Variants in SLC25A13 observed in about 807,000 individuals in gnomAD.
SLC25A13 encodes the protein electrogenic aspartate/glutamate antiporter SLC25A13, mitochondrial.
In SLC25A13, 70 loss-of-function variants were observed where a neutral mutation model predicts 85.5. That is an observed-to-expected ratio of 0.82 (90% CI 0.68 to 1.00). The LOEUF (loss-of-function observed/expected upper bound fraction) is 1.00. Ranked by LOEUF, SLC25A13 falls within the 50% of genes least tolerant of loss-of-function variation. SLC25A13 has a pLI of 0.00. For synonymous variants in SLC25A13, 259 were observed against 288.7 expected (o/e 0.90, Z 1.04); for missense variants, 765 against 819.8 (o/e 0.93, Z 0.82).
At chr7:96,244,119 C>CT (rs934822190) in intron 3 of SLC25A13, among the ~76,000 whole-genome samples, 9 of 152,066 alleles carry the variant, frequency 5.9e-5, no homozygotes, top group African/African-American at 2.2e-4. Context: ...GCTGTTAAGG[C>CT]TTAATTACGT....
chr7:96,186,456 T>C (rs966261591), intron 9 of SLC25A13, among the ~76,000 whole-genome samples: 1 of 152,038 alleles, frequency 6.6e-6, no homozygotes, highest in African/African-American at 2.4e-5. Flanking sequence ...GGATAGAAGA[T>C]AATCATGCAT....
At chr7:96,286,969 C>A (rs2116968397) in intron 2 of SLC25A13, among the ~76,000 whole-genome samples, 1 of 152,296 alleles carries the variant, frequency 6.6e-6, no homozygotes, top group East Asian at 1.9e-4. Context: ...TCTCTTTACA[C>A]AGGTTAGCAG....
Position 96,247,560 on chromosome 7 carries a change from T to A in SLC25A13, c.213-12643A>T, listed in dbSNP as rs538604270. The stretch of plus-strand genomic sequence containing the variant: ...CAATTGTATCTCAGATGAAAGATTA[T>A]TGTACCCTCTTTAATAAGGACTAGG... On this transcript the variant is annotated intron_variant, in intron 3 of 17. Coordinates refer to ENST00000265631, the MANE Select transcript of SLC25A13 (RefSeq NM_014251.3). 4.6e-5 allele frequency among the ~76,000 whole-genome samples: 7 copies of A among 152,250 alleles called. No homozygotes were observed. The South Asian group carries it at 1.4e-3, about 31-fold the overall frequency.
intron 1 of SLC25A13, among the ~76,000 whole-genome samples, chr7:96,318,156 T>C (rs1384305416): frequency 6.6e-6 from 1 of 152,202 alleles, no homozygotes; most frequent in African/African-American, 2.4e-5. Flanking sequence ...TTTCCTTCTT[T>C]TGGTTCTAGG....
intron 3 of SLC25A13, 93 bp from the exon 4 acceptor site, chr7:96,235,010 A>C (rs1796693526): frequency 1.2e-6 from 1 of 819,876 alleles, no homozygotes; most frequent in African/African-American, 1.7e-5. Context: ...ATAAGATATC[A>C]CTGCCAAAAC....
chr7:96,265,702 T>C (rs1055443802), intron 3 of SLC25A13, among the ~76,000 whole-genome samples: 10 of 152,194 alleles, frequency 6.6e-5, no homozygotes, highest in African/African-American at 2.4e-4. Context: ...AAGAAAATAA[T>C]GATTGCTTAC....
chr7:96,197,789 G>A (rs899814712), intron 5 of SLC25A13, among the ~76,000 whole-genome samples: 4 of 152,150 alleles, frequency 2.6e-5, no homozygotes, highest in African/African-American at 9.7e-5. Flanking sequence ...CGAGTCATCT[G>A]TGCAGAGGAG....
intron 2 of SLC25A13, among the ~76,000 whole-genome samples, chr7:96,286,643 T>G (rs1051322406): frequency 6.6e-6 from 1 of 151,958 alleles, no homozygotes; most frequent in Non-Finnish European, 1.5e-5. Flanking sequence ...GCTTCTGGGG[T>G]TTTTTACACT....
chr7:96,177,311 G>A (rs555256743), intron 11 of SLC25A13, among the ~76,000 whole-genome samples: 4 of 152,122 alleles, frequency 2.6e-5, no homozygotes, highest in African/African-American at 4.8e-5. Flanking sequence ...TAAAGTAGTG[G>A]CACAGACAAA....
chr7:96,251,626 C>A (rs143936913), intron 3 of SLC25A13, among the ~76,000 whole-genome samples: 5 of 152,192 alleles, frequency 3.3e-5, no homozygotes, highest in African/African-American at 1.2e-4. Context: ...AACTGGCCAA[C>A]TGGAAGCCAC....
chr7:96,304,550 G>A (rs1799669704), intron 1 of SLC25A13, among the ~76,000 whole-genome samples: 1 of 152,152 alleles, frequency 6.6e-6, no homozygotes, highest in Admixed American at 6.5e-5. Context: ...AAACATACTA[G>A]TTCTGGATTT....
intron 11 of SLC25A13, among the ~76,000 whole-genome samples, chr7:96,183,533 A>G (rs1270866634): frequency 1.3e-5 from 2 of 152,218 alleles, no homozygotes; most frequent in African/African-American, 4.8e-5. Context: ...ACTGTATTTT[A>G]ACTGATGCAG....
At chr7:96,262,419 C>T (rs374138104) in intron 3 of SLC25A13, among the ~76,000 whole-genome samples, 63 of 152,054 alleles carry the variant, frequency 4.1e-4, no homozygotes, top group African/African-American at 1.3e-3. Context: ...GGCCCAGTAA[C>T]GATACTTATT....
chr7:96,319,753 T>C (rs1800268281), intron 1 of SLC25A13, among the ~76,000 whole-genome samples: 1 of 152,166 alleles, frequency 6.6e-6, no homozygotes. Context: ...AATTGATTTT[T>C]ATATATCTTA....
intron 7 of SLC25A13, 51 bp downstream of exon 7, chr7:96,191,058 A>G (rs1794827053): frequency 1.2e-6 from 2 of 1,609,806 alleles, no homozygotes; most frequent in African/African-American, 2.7e-5. Context: ...CACCCTAATA[A>G]TAATACACCA....
rs748525856 is a variant in SLC25A13 at position 96,170,136 on chromosome 7, A to C, written c.1231-11T>G. The C allele has an allele frequency of 2.5e-6, 4 of 1,611,760 alleles. No individual in the cohort carries two copies. Among genetic ancestry groups the C allele is most frequent in the Non-Finnish European group, 3.4e-6 (4 of 1,177,852 alleles). ...CACAAAATCGTTCACCTTGAAGAAA[A>C]ATATTTATAGAAGCTGATGAAAAAT... is the stretch of plus-strand genomic sequence containing the variant. On this transcript the variant is annotated splice_polypyrimidine_tract_variant and intron_variant, in intron 12 of 17. Transcript: ENST00000265631.
At chr7:96,316,919 G>A (rs116313756) in intron 1 of SLC25A13, among the ~76,000 whole-genome samples, 3,007 of 152,180 alleles carry the variant, frequency 0.02, 95 homozygotes, top group African/African-American at 0.067. Context: ...GAGCCAGACT[G>A]GCAGGATTTG....
At chr7:96,296,502 A>G (rs568122288) in intron 2 of SLC25A13, among the ~76,000 whole-genome samples, 37 of 146,932 alleles carry the variant, frequency 2.5e-4, no homozygotes, top group Non-Finnish European at 4.3e-4. Context: ...TTTTTTCTTG[A>G]GACAGTCTTG....
Position 96,289,836 on chromosome 7 carries a change from G to A in SLC25A13, c.69+7062C>T, listed in dbSNP as rs369027332. Among the ~76,000 whole-genome samples the A allele has an allele frequency of 1.8e-3, 272 of 152,308 alleles. 1 individual carries two copies. In the Middle Eastern group the frequency reaches 0.027, roughly 15 times the overall value. The stretch of plus-strand genomic sequence containing the variant: ...ATGAAACCAAGTTGGAAAACACTCT[G>A]CAGGATAATATCCAGGAGAACTTCC... On this transcript the variant is annotated intron_variant, in intron 2 of 17. Coordinates refer to ENST00000265631, the MANE Select transcript of SLC25A13 (RefSeq NM_014251.3).
Sources: gnomAD v4.1 joint callset for allele counts (sites outside exome capture counted in the v4.1 genomes callset) on GRCh38, gnomAD v4.1.1 for gene constraint, MANE v1.5 for transcripts, NCBI Gene and HGNC (gene_info 2026-07-23, HGNC 2026-07-21) for gene names.